Variants in CCNDBP1 observed in about 807,000 individuals in gnomAD.
CCNDBP1 encodes cyclin-D1-binding protein 1.
A neutral mutation model predicts 46.2 loss-of-function variants in CCNDBP1; 45 were observed. The ratio of observed to expected loss-of-function variants is 0.97; its 90% CI spans 0.77 to 1.25. The LOEUF is 1.25. Ranked by LOEUF, CCNDBP1 falls within the 50% of genes most tolerant of loss-of-function variation. The pLI is 0.00. For missense variants in CCNDBP1, 436 were observed against 442.1 expected, an observed-to-expected ratio of 0.99 and a Z score of 0.12; for synonymous variants, 154 against 163.6, an observed-to-expected ratio of 0.94 and a Z score of 0.45.
In CCNDBP1 at chr15:43,196,578, G is replaced by A. The variant is rs1351353066; in HGVS notation, c.*1737G>A. 1 of 152,344 alleles carries A rather than the reference G, an allele frequency of 6.6e-6. No homozygotes were observed. The highest frequency in any genetic ancestry group is 1.5e-5 in the Non-Finnish European group (1 of 68,310). The allele number at this position is 152,344 out of a possible 1,614,324, so 9.4% of individuals were successfully genotyped here. Reference sequence around the variant, plus strand: ...GCTGGGATTACAGATGTGAGCCACCGAGCCCAGCTTGATCAATGTAATTTT... The same window carrying A: ...GCTGGGATTACAGATGTGAGCCACCAAGCCCAGCTTGATCAATGTAATTTT... On this transcript the variant is annotated 3_prime_UTR_variant, in exon 11 of 11. Transcript: ENST00000300213.
At chr15:43,188,135 C>G (rs759100558) in intron 3 of CCNDBP1, among the ~76,000 whole-genome samples, 3 of 152,088 alleles carry the variant, frequency 2.0e-5, no homozygotes, top group Non-Finnish European at 4.4e-5. Flanking sequence ...TATCTCATCC[C>G]TGACTGGTCA....
At chr15:43,190,720 G>T (rs1419734199) in intron 6 of CCNDBP1, among the ~76,000 whole-genome samples, 2 of 152,142 alleles carry the variant, frequency 1.3e-5, no homozygotes, top group Non-Finnish European at 1.5e-5. Flanking sequence ...AACAGTGGTT[G>T]TCCAAGAGGA....
chr15:43,194,045 GC>G (rs2042001846), intron 9 of CCNDBP1: 2 of 100,764 alleles, frequency 2.0e-5, no homozygotes, highest in Non-Finnish European at 3.5e-5. Flanking sequence ...TTCTTAATGC[GC>G]TTTTTTTTTT....
Position 43,189,254 on chromosome 15 carries a change from T to C in CCNDBP1, c.305T>C (p.Val102Ala), listed in dbSNP as rs1450785463. The C allele has an allele frequency of 6.2e-7, 1 of 1,609,770 alleles. No homozygotes were observed. Among genetic ancestry groups the C allele is most frequent in the Non-Finnish European group, 8.5e-7 (1 of 1,177,300 alleles). The change falls in exon 4 of 11, where the codon GTG becomes GCG. Residue 102 changes from valine (V) to alanine (A), a missense_variant. Coordinates refer to ENST00000300213, the MANE Select transcript of CCNDBP1 (RefSeq NM_012142.5). ...GCTGCCATCAAGGCATTTATTGCAG[T>C]GTACTATTTGCTTCCAAAGGATCAG... ...VHAAIKAFIA[V>A]YYLLPKDQGI...
chr15:43,188,932 G>C, intron 3 of CCNDBP1: 1 of 277,886 alleles, frequency 3.6e-6, no homozygotes, highest in South Asian at 5.7e-5. Flanking sequence ...CAAAAAATTA[G>C]CTGGGTGTGG....
chr15:43,191,059 C>T lies in CCNDBP1; in HGVS notation c.579+17C>T. 3 of 1,574,660 alleles carry T rather than the reference C, an allele frequency of 1.9e-6. No homozygotes were observed. The highest frequency in any genetic ancestry group is 1.7e-4 in the Middle Eastern group (1 of 5,978). On this transcript the variant is annotated intron_variant, in intron 7 of 10. Transcript: ENST00000300213. The stretch of plus-strand genomic sequence containing the variant: ...ATGGAGCAGGTGAGGGGACCTCCAT[C>T]ATTGGAAGGCAACTCCTTGACTAGT...
chr15:43,188,172 C>T (rs558773826), intron 3 of CCNDBP1, among the ~76,000 whole-genome samples: 2 of 152,106 alleles, frequency 1.3e-5, no homozygotes, highest in Non-Finnish European at 2.9e-5. Flanking sequence ...TGGCTCCAAC[C>T]TGGACCACAT....
rs147540379 is a variant in CCNDBP1, at chr15:43,191,342, CCT to C, written c.580-52_580-51del. The C allele has an allele frequency of 1.4e-3, 1,564 of 1,108,990 alleles. 19 individuals carry two copies. In the African/African-American group the frequency reaches 0.022, roughly 16 times the overall value. The allele number at this position is 1,108,990 out of a possible 1,614,324, so 68.7% of individuals were successfully genotyped here. A position where few individuals can be genotyped will look rare whatever the true frequency, so the allele number is the denominator to read the frequency against. ...GGTAAAAGTATAATAATAGGCCTCGCCTTTTTTTTTTTTTTTTTTTTTTGCAT... is the reference window on the plus strand; with the variant it reads ...GGTAAAAGTATAATAATAGGCCTCGCTTTTTTTTTTTTTTTTTTTTTGCAT... On this transcript the variant is annotated intron_variant, in intron 7 of 10. Transcript: ENST00000300213.
Position 43,194,383 on chromosome 15 carries a change from C to T in CCNDBP1, c.922-32C>T, listed in dbSNP as rs769207488. 34 of 1,577,860 alleles carry T rather than the reference C, an allele frequency of 2.2e-5. 1 individual carries two copies. In the South Asian group the frequency reaches 2.2e-4, roughly 10 times the overall value. On this transcript the variant is annotated intron_variant, in intron 9 of 10. Coordinates refer to ENST00000300213, the MANE Select transcript of CCNDBP1 (RefSeq NM_012142.5). The stretch of plus-strand genomic sequence containing the variant: ...GAACTCACCTTTTTATGGTAGGGCT[C>T]AGGGTGAATAACTTCTGTGTTTCTT...
chr15:43,192,797 A>C lies in CCNDBP1; in HGVS notation c.915A>C (p.Arg305=). ...IYPPMCHLTV[R]INSAKLVSVL... ...CACCTATGTGTCACCTGACCGTGCG[A>C]ATCAATGTAAGTACTGGCTTTGAGG... Residue 305 remains arginine, a synonymous_variant, in exon 9 of 11, where the codon CGA becomes CGC. Coordinates refer to ENST00000300213, the MANE Select transcript of CCNDBP1 (RefSeq NM_012142.5). The C allele has an allele frequency of 6.2e-7, 1 of 1,614,096 alleles. No individual in the cohort carries two copies. Among genetic ancestry groups the C allele is most frequent in the Non-Finnish European group, 8.5e-7 (1 of 1,179,934 alleles).
chr15:43,190,020 A>C (rs1252836110), intron 4 of CCNDBP1, 35 bp from the exon 5 acceptor site: 1 of 1,577,044 alleles, frequency 6.3e-7, no homozygotes, highest in African/African-American at 1.3e-5. Context: ...TCTGAAAAGA[A>C]CACCAGGTTG....
In CCNDBP1 at chr15:43,196,066, C is replaced by A. The variant is rs1242100656; in HGVS notation, c.*1225C>A. ...AGTTCTTTTATCCTTTCATATAGAGCCTATTTTTTATATACTTTTATATTT... is the reference window on the plus strand; with the variant it reads ...AGTTCTTTTATCCTTTCATATAGAGACTATTTTTTATATACTTTTATATTT... On this transcript the variant is annotated 3_prime_UTR_variant, in exon 11 of 11. Transcript: ENST00000300213. 1 of 151,978 alleles carries A rather than the reference C, an allele frequency of 6.6e-6. No homozygotes were observed. Among genetic ancestry groups the A allele is most frequent in the Non-Finnish European group, 1.5e-5 (1 of 68,012 alleles). 9.4% of individuals were successfully genotyped at this position (151,978 alleles called of 1,614,324 possible).
chr15:43,186,258 T>C, intron 3 of CCNDBP1, 25 bp downstream of exon 3: 1 of 1,588,924 alleles, frequency 6.3e-7, no homozygotes, highest in Non-Finnish European at 8.6e-7. Context: ...CGTGGAATCC[T>C]TGGGCTGCCG....
intron 8 of CCNDBP1, 62 bp from the exon 9 acceptor site, chr15:43,192,681 T>G: frequency 6.9e-7 from 1 of 1,450,240 alleles, no homozygotes; most frequent in Non-Finnish European, 9.7e-7. Flanking sequence ...TCCATAGTTG[T>G]GTACTAGAAA....
At position 43,185,858 on chromosome 15, in the gene CCNDBP1, G is replaced by A; in HGVS notation, c.148G>A (p.Glu50Lys). ...AQETTEEFNR[E>K]MFWRRLNEAA... ...GGAGACCACCGAGGAGTTTAATCGAGAGATGTTCTGGAGAAGACTCAGTGA... is the reference window on the plus strand; with the variant it reads ...GGAGACCACCGAGGAGTTTAATCGAAAGATGTTCTGGAGAAGACTCAGTGA... Residue 50 changes from glutamate (E) to lysine (K), a missense_variant, in exon 2 of 11, where the codon GAG (glutamate) becomes AAG (lysine). Coordinates refer to ENST00000300213, the MANE Select transcript of CCNDBP1 (RefSeq NM_012142.5). 6.2e-7 allele frequency: 1 copy of A among 1,611,628 alleles called. No individual in the cohort carries two copies.
chr15:43,191,328 A>G, intron 7 of CCNDBP1, 67 bp from the exon 8 acceptor site: 1 of 1,472,798 alleles, frequency 6.8e-7, no homozygotes, highest in Admixed American at 2.3e-5. Context: ...GTAAAAGTAT[A>G]ATAATAGGCC....
chr15:43,188,269 A>C (rs1052678587), intron 3 of CCNDBP1, among the ~76,000 whole-genome samples: 1 of 152,116 alleles, frequency 6.6e-6, no homozygotes, highest in Non-Finnish European at 1.5e-5. Context: ...AAAATAGTTA[A>C]CATGGAGCAT....
chr15:43,190,863 T>C, intron 6 of CCNDBP1, 103 bp from the exon 7 acceptor site: 1 of 919,818 alleles, frequency 1.1e-6, no homozygotes, highest in Non-Finnish European at 1.8e-6. Flanking sequence ...TCAACCGTCC[T>C]TGGCACTCCC....
intron 3 of CCNDBP1, among the ~76,000 whole-genome samples, chr15:43,186,748 A>G (rs1357337730): frequency 6.6e-6 from 1 of 152,148 alleles, no homozygotes; most frequent in Non-Finnish European, 1.5e-5. Context: ...TTACCTTTCC[A>G]CCCACTTTCT....
Sources: gnomAD v4.1 joint callset for allele counts (sites outside exome capture counted in the v4.1 genomes callset) on GRCh38, gnomAD v4.1.1 for gene constraint, MANE v1.5 for transcripts, NCBI Gene and HGNC (gene_info 2026-07-23, HGNC 2026-07-21) for gene names.